The following DGKI variants were observed in gnomAD, a reference collection of about 807,000 sequenced individuals.
DGKI encodes DAG kinase iota.
A neutral mutation model predicts 147.5 loss-of-function variants in DGKI; 55 were observed. The ratio of observed to expected loss-of-function variants is 0.37; its 90% CI spans 0.30 to 0.47. The LOEUF is 0.47. DGKI is among the 20% of genes least tolerant of loss of function. DGKI has a pLI of 1.00. For missense variants in DGKI, 1,007 were observed against 1,323.8 expected (o/e 0.76, Z 3.71); for synonymous variants, 469 against 477.1 (o/e 0.98, Z 0.22).
At chr7:137,480,626 ATCT>A (rs958638010) in intron 23 of DGKI, among the ~76,000 whole-genome samples, 2 of 152,056 alleles carry the variant, frequency 1.3e-5, no homozygotes, top group Non-Finnish European at 2.9e-5. Context: ...AGTGAAAGAC[ATCT>A]GTACCACCCT....
intron 1 of DGKI, among the ~76,000 whole-genome samples, chr7:137,757,742 C>T (rs1232561989): frequency 6.6e-6 from 1 of 152,208 alleles, no homozygotes; most frequent in Non-Finnish European, 1.5e-5. Flanking sequence ...AATAAAATCT[C>T]AATGCCAAGC....
At chr7:137,597,124 A>G (rs1445004592) in intron 12 of DGKI, among the ~76,000 whole-genome samples, 4 of 152,188 alleles carry the variant, frequency 2.6e-5, no homozygotes, top group Non-Finnish European at 5.9e-5. Flanking sequence ...CCTTTTTTTC[A>G]TAAATGAATA....
chr7:137,647,318 AC>A (rs1821860558), intron 5 of DGKI, among the ~76,000 whole-genome samples: 1 of 151,836 alleles, frequency 6.6e-6, no homozygotes, highest in South Asian at 2.1e-4. Context: ...CATCTCTCTG[AC>A]TCCTCCCTTG....
chr7:137,561,455 A>G (rs1818417791), intron 19 of DGKI, among the ~76,000 whole-genome samples: 1 of 152,196 alleles, frequency 6.6e-6, no homozygotes, highest in African/African-American at 2.4e-5. Flanking sequence ...AACTTGTTAA[A>G]GGATACAAAA....
intron 1 of DGKI, among the ~76,000 whole-genome samples, chr7:137,736,883 G>A (rs961891932): frequency 1.3e-5 from 2 of 151,994 alleles, no homozygotes; most frequent in African/African-American, 4.8e-5. Flanking sequence ...GAGATAAGCA[G>A]TCTATTCAGT....
intron 6 of DGKI, among the ~76,000 whole-genome samples, chr7:137,633,080 C>A (rs1014135170): frequency 3.3e-5 from 5 of 151,886 alleles, no homozygotes; most frequent in Non-Finnish European, 7.4e-5. Flanking sequence ...GGCGTGGTGA[C>A]GCATGCCCAT....
At chr7:137,429,206 T>C (rs1386709190) in intron 28 of DGKI, among the ~76,000 whole-genome samples, 4 of 151,624 alleles carry the variant, frequency 2.6e-5, no homozygotes, top group Admixed American at 1.3e-4. Context: ...AAAACAGAGA[T>C]ATAGATCAAT....
In DGKI at chr7:137,395,588, A is replaced by G; in HGVS notation, c.3057+10T>C. Reference sequence around the variant, plus strand: ...AGCGGGAGGATGTTTGCACTCACTCATCGAGTTACCTTGGAGTCCGTCTTT... The same window carrying G: ...AGCGGGAGGATGTTTGCACTCACTCGTCGAGTTACCTTGGAGTCCGTCTTT... On this transcript the variant is annotated intron_variant, in intron 32 of 32. Coordinates refer to ENST00000614521, the MANE Select transcript of DGKI (RefSeq NM_001321708.2). The G allele has an allele frequency of 6.2e-7, 1 of 1,613,246 alleles. No individual in the cohort carries two copies. Among genetic ancestry groups the G allele is most frequent in the Non-Finnish European group, 8.5e-7 (1 of 1,179,220 alleles).
At chr7:137,678,980 C>T (rs933940557) in intron 2 of DGKI, among the ~76,000 whole-genome samples, 1 of 152,146 alleles carries the variant, frequency 6.6e-6, no homozygotes. Context: ...TCACCAGGCC[C>T]ACCACTGCAA....
chr7:137,651,595 A>G (rs1245984166), intron 5 of DGKI, among the ~76,000 whole-genome samples: 1 of 152,240 alleles, frequency 6.6e-6, no homozygotes, highest in Non-Finnish European at 1.5e-5. Context: ...CAGACTGGAA[A>G]TGTAAAGTTA....
intron 21 of DGKI, among the ~76,000 whole-genome samples, chr7:137,500,443 CA>C (rs1816129555): frequency 6.6e-6 from 1 of 152,038 alleles, no homozygotes; most frequent in Admixed American, 6.6e-5. Flanking sequence ...AAATTTATGC[CA>C]AATAATGCAT....
chr7:137,648,910 A>G (rs2129009656), intron 5 of DGKI, among the ~76,000 whole-genome samples: 1 of 152,310 alleles, frequency 6.6e-6, no homozygotes, highest in South Asian at 2.1e-4. Flanking sequence ...AATATTTTTA[A>G]TATCATCCTT....
intron 19 of DGKI, among the ~76,000 whole-genome samples, chr7:137,554,425 G>A (rs898599660): frequency 1.3e-5 from 2 of 152,144 alleles, no homozygotes; most frequent in Admixed American, 6.5e-5. Context: ...AACCTAGCAT[G>A]TGTTAGTCTT....
At chr7:137,517,327 GAAAGAAAGAA>G (rs1563064035) in intron 21 of DGKI, among the ~76,000 whole-genome samples, 86 of 108,426 alleles carry the variant, frequency 7.9e-4, no homozygotes, top group East Asian at 2.8e-3. Context: ...AAGAAAGAAA[GAAAGAAAGAA>G]AGAGAAAGAA....
chr7:137,622,398 G>T (rs1820783280), intron 7 of DGKI, among the ~76,000 whole-genome samples: 1 of 152,092 alleles, frequency 6.6e-6, no homozygotes, highest in South Asian at 2.1e-4. Flanking sequence ...CCTTTTCTTT[G>T]CAGGTCCCCT....
At chr7:137,772,710 C>T (rs1014661248) in intron 1 of DGKI, among the ~76,000 whole-genome samples, 3 of 152,140 alleles carry the variant, frequency 2.0e-5, no homozygotes, top group Non-Finnish European at 1.5e-5. Context: ...CTTAAATAGA[C>T]CCAAAATATT....
chr7:137,521,853 A>C lies in DGKI; in HGVS notation c.2248+13T>G. The C allele has an allele frequency of 6.3e-7, 1 of 1,585,136 alleles. No individual in the cohort carries two copies. The highest frequency in any genetic ancestry group is 8.7e-7 in the Non-Finnish European group (1 of 1,154,708). On this transcript the variant is annotated intron_variant, in intron 21 of 32. Transcript: ENST00000614521. ...GCTGATCGCATGAAATCAATGAGGC[A>C]CTTCCAACTTACAAGCTTCTCGGAG...
At chr7:137,458,525 A>G (rs1309904179) in intron 27 of DGKI, among the ~76,000 whole-genome samples, 1 of 152,176 alleles carries the variant, frequency 6.6e-6, no homozygotes, top group Non-Finnish European at 1.5e-5. Flanking sequence ...AGAACCGGAA[A>G]AAGGTTACTC....
At chr7:137,590,785 T>A (rs1270373421) in intron 12 of DGKI, among the ~76,000 whole-genome samples, 1 of 152,172 alleles carries the variant, frequency 6.6e-6, no homozygotes, top group Non-Finnish European at 1.5e-5. Context: ...GTCTACCTCG[T>A]GGGCTCAAGC....
Sources: gnomAD v4.1 joint callset for allele counts (sites outside exome capture counted in the v4.1 genomes callset) on GRCh38, gnomAD v4.1.1 for gene constraint, MANE v1.5 for transcripts, NCBI Gene and HGNC (gene_info 2026-07-23, HGNC 2026-07-21) for gene names.